Variants in PLEKHA6 observed in about 807,000 individuals in gnomAD.
PLEKHA6 encodes pleckstrin homology domain-containing family A member 6.
PLEKHA6 carries 60 observed loss-of-function variants against 116.7 expected under a neutral mutation model. The ratio of observed to expected loss-of-function variants is 0.51; its 90% CI spans 0.42 to 0.64. The LOEUF is 0.64. Ranked by LOEUF, PLEKHA6 falls within the 30% of genes least tolerant of loss-of-function variation. The pLI is 0.00. For missense variants in PLEKHA6, 1,338 were observed against 1,422.7 expected, an observed-to-expected ratio of 0.94 and a Z score of 0.96; for synonymous variants, 489 against 556.1, an observed-to-expected ratio of 0.88 and a Z score of 1.70.
intron 9 of PLEKHA6, chr1:204,256,728 C>G: frequency 2.1e-6 from 1 of 466,688 alleles, no homozygotes; most frequent in East Asian, 3.5e-5. Flanking sequence ...GGAGTCCGCC[C>G]CAGTTTAGCT....
At position 204,259,892 on chromosome 1, in the gene PLEKHA6, TC is replaced by T; in HGVS notation, c.525-153del. On this transcript the variant is annotated intron_variant, in intron 7 of 22. Coordinates refer to ENST00000272203, the MANE Select transcript of PLEKHA6 (RefSeq NM_014935.5). The surrounding 1 kb of genome is among the most constrained non-coding windows in gnomAD (Gnocchi z 4.6). ...ATGAACTCCAGTTCTGCTTCCTAAG[TC>T]CCACCCCTTCACCTTCTCGCTCCAG... is the stretch of plus-strand genomic sequence containing the variant. 2 of 773,336 alleles carry T rather than the reference TC, an allele frequency of 2.6e-6. No homozygotes were observed. Among genetic ancestry groups the T allele is most frequent in the Non-Finnish European group, 2.0e-6 (1 of 496,894 alleles). The allele number at this position is 773,336 out of a possible 1,614,324, so 47.9% of individuals were successfully genotyped here.
chr1:204,226,259 TG>T (rs907551226), intron 21 of PLEKHA6, among the ~76,000 whole-genome samples: 2 of 152,146 alleles, frequency 1.3e-5, no homozygotes, highest in African/African-American at 4.8e-5. Context: ...TTTAAATAGT[TG>T]GGGTTTTGGC....
At chr1:204,236,426 C>A (rs1185812741) in intron 17 of PLEKHA6, among the ~76,000 whole-genome samples, 2 of 152,088 alleles carry the variant, frequency 1.3e-5, no homozygotes, top group African/African-American at 2.4e-5. Flanking sequence ...AGAAGATATA[C>A]CCTTGACCAA....
intron 1 of PLEKHA6, 175 bp from the exon 2 acceptor site, chr1:204,274,984 G>T: frequency 1.6e-6 from 1 of 637,806 alleles, no homozygotes; most frequent in Non-Finnish European, 1.9e-6. Flanking sequence ...TGAGGGTGGG[G>T]GCGGGGTGGG....
intron 1 of PLEKHA6, among the ~76,000 whole-genome samples, chr1:204,296,727 C>T (rs1045432541): frequency 9.9e-5 from 15 of 152,222 alleles, no homozygotes; most frequent in African/African-American, 3.6e-4. Context: ...CTCAGAGACA[C>T]CCCCACCTCA....
At position 204,273,609 on chromosome 1, in the gene PLEKHA6, T is replaced by A; in HGVS notation, c.102+17A>T. 1 of 1,574,828 alleles carries A rather than the reference T, an allele frequency of 6.3e-7. No individual in the cohort carries two copies. The highest frequency in any genetic ancestry group is 8.7e-7 in the Non-Finnish European group (1 of 1,144,144). ...GACGTTTCCAGCCCAACAGCTTGCC[T>A]TGAGGGCTGGACTTACCCGGACGCT... On this transcript the variant is annotated intron_variant, in intron 3 of 22. Transcript: ENST00000272203.
At chr1:204,303,033 C>T (rs908648652) in intron 1 of PLEKHA6, among the ~76,000 whole-genome samples, 1 of 152,196 alleles carries the variant, frequency 6.6e-6, no homozygotes, top group Non-Finnish European at 1.5e-5. Context: ...TTCTTGGATC[C>T]TTTTCTTTCT....
Position 204,223,470 on chromosome 1 carries a change from T to A in PLEKHA6, c.3147A>T (p.Ter1049CysextTer8). 1.3e-6 allele frequency: 2 copies of A among 1,529,318 alleles called. No homozygotes were observed. Among genetic ancestry groups the A allele is most frequent in the Non-Finnish European group, 1.8e-6 (2 of 1,126,712 alleles). The allele number at this position is 1,529,318 out of a possible 1,614,324, so 94.7% of individuals were successfully genotyped here. ...AGTAGAAAAGTGCTTACGTCAGAGCTCAGACCCGCATGGTATAGCTGCTGT... is the reference window on the plus strand; with the variant it reads ...AGTAGAAAAGTGCTTACGTCAGAGCACAGACCCGCATGGTATAGCTGCTGT... ...GADSSYTMRV* is the reference protein window; with the variant it reads ...GADSSYTMRVC The change falls in exon 22 of 23, where the codon TGA becomes TGT. Residue 1049 changes from the stop codon to cysteine, a stop_lost. Transcript: ENST00000272203. This position sits in a 1 kb window ranked among gnomAD's most constrained non-coding sequence, Gnocchi z 4.8.
chr1:204,373,091 T>C (rs1226584961), intron 1 of PLEKHA6, among the ~76,000 whole-genome samples: 3 of 146,158 alleles, frequency 2.1e-5, no homozygotes, highest in African/African-American at 5.0e-5. Flanking sequence ...TCTTTCTTTT[T>C]TTTTTTTTTT....
At chr1:204,333,845 G>A (rs1475480864) in intron 1 of PLEKHA6, among the ~76,000 whole-genome samples, 1 of 152,206 alleles carries the variant, frequency 6.6e-6, no homozygotes. Flanking sequence ...CAAGTTCAGT[G>A]GCTTCAGTCC....
chr1:204,235,153 G>C (rs1661855637), intron 17 of PLEKHA6, among the ~76,000 whole-genome samples: 1 of 151,136 alleles, frequency 6.6e-6, no homozygotes, highest in Non-Finnish European at 1.5e-5. Context: ...CATTGGTTTT[G>C]GGGTTTCTGG....
rs1228534784 is a variant in PLEKHA6, at chr1:204,359,758, C to T, written c.-159G>A. On this transcript the variant is annotated 5_prime_UTR_variant, in exon 1 of 23. Transcript: ENST00000272203. ...CTCTGCGAGCCCCAAGGCACCCCTCCCCCCAGCTCAGGCCAGCTGGGGTCC... is the reference window on the plus strand; with the variant it reads ...CTCTGCGAGCCCCAAGGCACCCCTCTCCCCAGCTCAGGCCAGCTGGGGTCC... The T allele has an allele frequency of 1.1e-6, 1 of 942,268 alleles. No individual in the cohort carries two copies. The highest frequency in any genetic ancestry group is 1.3e-6 in the Non-Finnish European group (1 of 790,288). 58.4% of individuals were successfully genotyped at this position (942,268 alleles called of 1,614,324 possible).
intron 1 of PLEKHA6, chr1:204,309,811 T>A: frequency 2.2e-6 from 1 of 464,208 alleles, no homozygotes; most frequent in Non-Finnish European, 2.8e-6. Flanking sequence ...GCAAACTTTT[T>A]ATGTAAAGGG....
At chr1:204,273,527 G>T in intron 3 of PLEKHA6, 99 bp downstream of exon 3, 1 of 845,522 alleles carries the variant, frequency 1.2e-6, no homozygotes, top group Non-Finnish European at 2.0e-6. Context: ...TGCAGAAATA[G>T]CTGGACAGGC....
At chr1:204,369,536 G>A (rs1427672942) in intron 2 of PLEKHA6, 1 of 152,234 alleles carries the variant, frequency 6.6e-6, no homozygotes, top group African/African-American at 2.4e-5. Context: ...CTGGGAAAGA[G>A]GCCAGTATGG....
chr1:204,283,165 T>C (rs563402451), intron 1 of PLEKHA6, among the ~76,000 whole-genome samples: 3 of 152,172 alleles, frequency 2.0e-5, no homozygotes, highest in Non-Finnish European at 4.4e-5. Context: ...TCTGGTGTCC[T>C]ACGGAGAGCA....
intron 1 of PLEKHA6, among the ~76,000 whole-genome samples, chr1:204,336,563 C>CGTGTGT (rs10538125): frequency 1.1e-4 from 17 of 149,008 alleles, no homozygotes; most frequent in Admixed American, 2.0e-4. Flanking sequence ...GGTGTGTGAG[C>CGTGTGT]GTGTGTGTGT....
At chr1:204,313,795 A>G in intron 1 of PLEKHA6, 1 of 752,318 alleles carries the variant, frequency 1.3e-6, no homozygotes, top group African/African-American at 1.9e-5. Context: ...AAGCAGCAGC[A>G]AATGCAGAAA....
At chr1:204,274,143 G>T (rs1401325485) in intron 2 of PLEKHA6, among the ~76,000 whole-genome samples, 1 of 151,744 alleles carries the variant, frequency 6.6e-6, no homozygotes, top group East Asian at 1.9e-4. Context: ...TGTGGCCCAG[G>T]ATGGTCTTAA....
Sources: allele counts gnomAD v4.1 joint callset (sites outside exome capture counted in the v4.1 genomes callset), GRCh38; gene constraint gnomAD v4.1.1; non-coding constraint Gnocchi (gnomAD v3.1); transcripts MANE v1.5; gene names NCBI Gene and HGNC (gene_info 2026-07-23, HGNC 2026-07-21).